The following CCDC171 variants were observed in gnomAD, a reference collection of about 807,000 sequenced individuals.
The protein encoded by CCDC171 is coiled-coil domain-containing protein 171.
In CCDC171, 177 loss-of-function variants were observed where a neutral mutation model predicts 168.2. The observed-to-expected ratio is 1.05, with a 90% CI of 0.93 to 1.19. The LOEUF (loss-of-function observed/expected upper bound fraction) is 1.19, where lower values mean the gene tolerates loss of function less well. CCDC171 is among the 50% of genes most tolerant of loss of function. The pLI, the probability that CCDC171 is intolerant of heterozygous loss-of-function variation, is 0.00. For missense variants in CCDC171, 1,991 were observed against 1,539.0 expected, an observed-to-expected ratio of 1.29 and a Z score of -4.91; for synonymous variants, 687 against 540.8, an observed-to-expected ratio of 1.27 and a Z score of -3.75.
At chr9:16,106,980 G>A in the CCDC171 span, among the ~76,000 whole-genome samples, 2 of 152,026 alleles carry the variant, frequency 1.3e-5, no homozygotes, top group Admixed American at 6.5e-5. Flanking sequence ...CCTAGCTCTC[G>A]CAGCACTGTC....
chr9:15,957,729 C>T (rs1829944829), intron 25 of CCDC171, among the ~76,000 whole-genome samples: 1 of 152,150 alleles, frequency 6.6e-6, no homozygotes, highest in African/African-American at 2.4e-5. Context: ...GTAGAATAAG[C>T]AATGCATTTT....
intron 3 of CCDC171, among the ~76,000 whole-genome samples, chr9:16,001,987 C>T (rs948883277): frequency 4.6e-5 from 7 of 151,320 alleles, no homozygotes; most frequent in African/African-American, 1.7e-4. Flanking sequence ...CAGGCAGGAG[C>T]CACCATTGCC....
rs556715951 is a variant in CCDC171, at chr9:15,727,341, G to A, written c.1693-528G>A. Among the ~76,000 whole-genome samples, 3 of 152,296 alleles carry A rather than the reference G, an allele frequency of 2.0e-5. No homozygotes were observed. In the South Asian group the frequency reaches 6.2e-4, roughly 32 times the overall value. On this transcript the variant is annotated intron_variant, in intron 14 of 25. Transcript: ENST00000380701. ...AGTAAGTAAACTGGATTCTCTGGAGGAAGAAGAAAGCTGAGTAATTGTGTC... is the reference window on the plus strand; with the variant it reads ...AGTAAGTAAACTGGATTCTCTGGAGAAAGAAGAAAGCTGAGTAATTGTGTC...
chr9:15,744,378 C>T lies in CCDC171; in HGVS notation c.2155C>T (p.Gln719Ter). ...ENSHFKKLLS[Q>*]TQREQMSLLA... ...TTCGCACTTCAAAAAACTGTTATCA[C>T]AGACTCAAAGGGAACAGATGTCCTT... The change falls in exon 17 of 26, where the codon CAG becomes TAG. Residue 719 changes from glutamine (Q) to a stop codon, truncating the protein, a stop_gained. Transcript: ENST00000380701. LOFTEE classifies it high-confidence loss of function. 1 of 1,614,160 alleles carries T rather than the reference C, an allele frequency of 6.2e-7. No homozygotes were observed.
chr9:15,772,633 GATGTGT>G (rs1433345030), intron 18 of CCDC171, among the ~76,000 whole-genome samples: 1 of 152,180 alleles, frequency 6.6e-6, no homozygotes, highest in Non-Finnish European at 1.5e-5. Context: ...GTAGGGACCA[GATGTGT>G]AGGACTTTTG....
At chr9:16,013,986 A>G (rs933956039) in intron 3 of CCDC171, among the ~76,000 whole-genome samples, 1 of 152,166 alleles carries the variant, frequency 6.6e-6, no homozygotes, top group East Asian at 1.9e-4. Context: ...GGCTGTGACT[A>G]TTTCTGAAAA....
Position 15,819,354 on chromosome 9 carries a change from A to G in CCDC171, c.3268-27348A>G, listed in dbSNP as rs1482944262. Among the ~76,000 whole-genome samples the G allele has an allele frequency of 4.3e-5, 5 of 117,586 alleles. 2 individuals are homozygous for G. In the East Asian group the frequency reaches 6.4e-4, roughly 15 times the overall value. 77.1% of individuals were successfully genotyped at this position (117,586 alleles called of 152,430 possible). A position where few individuals can be genotyped will look rare whatever the true frequency, so the allele number is the denominator to read the frequency against. On this transcript the variant is annotated intron_variant, in intron 21 of 25. Transcript: ENST00000380701. ...ATTCACACATAACAATATTAACCTT[A>G]AATGTAAATGGGCTAAATGCTCCAA...
intron 16 of CCDC171, among the ~76,000 whole-genome samples, chr9:15,730,145 G>A (rs1013104386): frequency 1.3e-5 from 2 of 151,736 alleles, no homozygotes; most frequent in African/African-American, 2.4e-5. Context: ...TTTAGTGTAG[G>A]TATTCCTTTA....
At chr9:15,601,269 C>T (rs560853540) in intron 6 of CCDC171, among the ~76,000 whole-genome samples, 57 of 152,316 alleles carry the variant, frequency 3.7e-4, no homozygotes, top group Admixed American at 3.6e-3. Context: ...ATTTGGCCAT[C>T]TTGGCTCCAC....
the CCDC171 span, among the ~76,000 whole-genome samples, chr9:16,076,273 C>A: frequency 1.3e-5 from 2 of 152,328 alleles, no homozygotes; most frequent in Admixed American, 6.5e-5. Flanking sequence ...TGGGCAAGTG[C>A]AGAACTAAGA....
intron 7 of CCDC171, among the ~76,000 whole-genome samples, chr9:15,636,647 G>C (rs981168409): frequency 6.6e-6 from 1 of 151,530 alleles, no homozygotes. Flanking sequence ...TGCTTGGGAG[G>C]CTGAGGTGGG....
At chr9:16,095,657 AAGGGT>A in the CCDC171 span, among the ~76,000 whole-genome samples, 17 of 152,040 alleles carry the variant, frequency 1.1e-4, no homozygotes, top group African/African-American at 4.1e-4. Context: ...AGGAAGACAT[AAGGGT>A]GGGGAATCAT....
rs990704795 is a variant in CCDC171, at chr9:15,695,233, A to T, written c.1216-2A>T. ...ATGTGTAATTTTTTTCTTAATTAAAAGGCTAAGAAGCACCAGGCCTTCCTA... is the reference window on the plus strand; with the variant it reads ...ATGTGTAATTTTTTTCTTAATTAAATGGCTAAGAAGCACCAGGCCTTCCTA... On this transcript the variant is annotated splice_acceptor_variant, in intron 10 of 25. Transcript: ENST00000380701. LOFTEE classifies it high-confidence loss of function. 2 of 1,610,118 alleles carry T rather than the reference A, an allele frequency of 1.2e-6. No homozygotes were observed. Among genetic ancestry groups the T allele is most frequent in the African/African-American group, 2.7e-5 (2 of 74,876 alleles).
chr9:15,628,188 G>A (rs2045332639), intron 7 of CCDC171, among the ~76,000 whole-genome samples: 1 of 152,110 alleles, frequency 6.6e-6, no homozygotes, highest in African/African-American at 2.4e-5. Context: ...AGGACAGTGG[G>A]TGCAGCACAC....
At chr9:15,601,555 ACTGCT>A (rs1411870304) in intron 6 of CCDC171, among the ~76,000 whole-genome samples, 1 of 152,212 alleles carries the variant, frequency 6.6e-6, no homozygotes, top group African/African-American at 2.4e-5. Context: ...TTACTGAGTT[ACTGCT>A]CTGGATACTG....
chr9:16,009,005 C>T (rs1052344164), intron 3 of CCDC171, among the ~76,000 whole-genome samples: 3 of 151,942 alleles, frequency 2.0e-5, no homozygotes, highest in Middle Eastern at 3.2e-3. Context: ...AAAACCTTTT[C>T]TTCCGCAATA....
chr9:15,557,260 T>G (rs2038888102), intron 1 of CCDC171, among the ~76,000 whole-genome samples: 1 of 152,160 alleles, frequency 6.6e-6, no homozygotes, highest in African/African-American at 2.4e-5. Context: ...TAAAGTAGTT[T>G]TTTCCAATTC....
intron 24 of CCDC171, among the ~76,000 whole-genome samples, chr9:15,877,513 C>A (rs139778187): frequency 5.5e-4 from 84 of 152,178 alleles, no homozygotes; most frequent in African/African-American, 1.9e-3. Context: ...TCAAGCACAG[C>A]CTACCATAGC....
intron 3 of CCDC171, among the ~76,000 whole-genome samples, chr9:16,016,052 A>G (rs1363175504): frequency 1.3e-5 from 2 of 152,130 alleles, no homozygotes; most frequent in East Asian, 1.9e-4. Context: ...ACCTTTGGCT[A>G]TTGTGAATAG....
Sources: gnomAD v4.1 joint callset for allele counts (sites outside exome capture counted in the v4.1 genomes callset) on GRCh38, gnomAD v4.1.1 for gene constraint, MANE v1.5 for transcripts, NCBI Gene and HGNC (gene_info 2026-07-23, HGNC 2026-07-21) for gene names.